The following DST variants were observed in gnomAD, a reference collection of about 807,000 sequenced individuals.
DST encodes the protein dystonin.
Under a neutral mutation model 875.2 loss-of-function variants are expected in DST, and 253 were observed. The observed-to-expected ratio is 0.29, with a 90% confidence interval of 0.26 to 0.32. The LOEUF is 0.32. DST is among the 10% of genes least tolerant of loss of function. DST has a pLI of 1.00. For synonymous variants in DST, 3,124 were observed against 3,197.1 expected (o/e 0.98, Z 0.77); for missense variants, 8,287 against 9,111.6 (o/e 0.91, Z 3.68).
At position 56,617,115 on chromosome 6, in the gene DST, C is replaced by T. The variant is rs747676783; in HGVS notation, c.4930-2631G>A. On this transcript the variant is annotated intron_variant, in intron 36 of 103. Coordinates refer to ENST00000680361, the MANE Select transcript of DST (RefSeq NM_001374736.1). Reference sequence around the variant, plus strand: ...TGAACTTCTTCAACAGTCTTAAGACCGAGTCGCAGCTGCTCAATTGTTCTC... The same window carrying T: ...TGAACTTCTTCAACAGTCTTAAGACTGAGTCGCAGCTGCTCAATTGTTCTC... 1.8e-5 allele frequency: 29 copies of T among 1,611,620 alleles called. No homozygotes were observed. The highest frequency in any genetic ancestry group is 5.0e-5 in the Admixed American group (3 of 59,858).
chr6:56,812,353 T>A (rs914093660), intron 4 of DST, among the ~76,000 whole-genome samples: 2 of 152,134 alleles, frequency 1.3e-5, no homozygotes, highest in Non-Finnish European at 2.9e-5. Flanking sequence ...GTGAAAGAAA[T>A]GTCTTAATCA....
chr6:56,811,173 G>A (rs1214293577), intron 4 of DST, among the ~76,000 whole-genome samples: 3 of 104,424 alleles, frequency 2.9e-5, no homozygotes, highest in Non-Finnish European at 5.2e-5. Flanking sequence ...GACAGAGCAA[G>A]ACCCTGTCTC....
chr6:56,483,814 G>A (rs1168860798), intron 88 of DST: 2 of 152,052 alleles, frequency 1.3e-5, no homozygotes, highest in Non-Finnish European at 2.9e-5. Flanking sequence ...ATTCACAAAA[G>A]TGAGCCTATC....
At chr6:56,829,477 TAC>T (rs1385528053) in intron 4 of DST, among the ~76,000 whole-genome samples, 2 of 152,064 alleles carry the variant, frequency 1.3e-5, no homozygotes, top group Non-Finnish European at 1.5e-5. Flanking sequence ...AGTAATGAAA[TAC>T]AAATGCAATA....
chr6:56,800,684 T>C (rs1344750305), intron 4 of DST, among the ~76,000 whole-genome samples: 1 of 152,090 alleles, frequency 6.6e-6, no homozygotes, highest in African/African-American at 2.4e-5. Flanking sequence ...GCCATGTATA[T>C]AGCAACAACC....
chr6:56,807,449 T>C (rs897178973), intron 4 of DST, among the ~76,000 whole-genome samples: 1 of 152,062 alleles, frequency 6.6e-6, no homozygotes, highest in Non-Finnish European at 1.5e-5. Flanking sequence ...GCCAAAACAA[T>C]TACGTAAAAG....
chr6:56,489,093 T>C (rs1673187250), intron 86 of DST, among the ~76,000 whole-genome samples: 1 of 152,136 alleles, frequency 6.6e-6, no homozygotes, highest in Non-Finnish European at 1.5e-5. Flanking sequence ...TACCGCAAAA[T>C]ATCTATTACT....
intron 36 of DST, among the ~76,000 whole-genome samples, chr6:56,622,021 A>G (rs1162668684): frequency 2.0e-5 from 3 of 152,096 alleles, no homozygotes; most frequent in Non-Finnish European, 4.4e-5. Flanking sequence ...TCAGCACTCT[A>G]TTTTCTTTAT....
At position 56,535,253 on chromosome 6, in the gene DST, G is replaced by A; in HGVS notation, c.16810C>T (p.His5604Tyr). 6.2e-7 allele frequency: 1 copy of A among 1,606,644 alleles called. No homozygotes were observed. The highest frequency in any genetic ancestry group is 8.5e-7 in the Non-Finnish European group (1 of 1,177,574). ...RAAQLQEALL[H>Y]CGRFQDALES... is the part of the protein sequence containing the mutation. Reference sequence around the variant, plus strand: ...AGGGCATCCTGGAACCTCCCACAGTGCAGCAAGGCCTCCTGCAGCTGGGCT... The same window carrying A: ...AGGGCATCCTGGAACCTCCCACAGTACAGCAAGGCCTCCTGCAGCTGGGCT... Residue 5604 changes from histidine to tyrosine, a missense_variant, in exon 63 of 104, where the codon CAC becomes TAC. This residue lies in a region of DST where 777 missense variants were observed against 764.8 expected (regional missense o/e 1.02). Transcript: ENST00000680361.
chr6:56,718,845 G>A (rs770457147), intron 5 of DST, among the ~76,000 whole-genome samples: 2 of 152,162 alleles, frequency 1.3e-5, no homozygotes, highest in South Asian at 4.1e-4. Context: ...GAAATATCCA[G>A]AAAAGACAAA....
At chr6:56,668,558 A>G (rs1322251057) in intron 10 of DST, among the ~76,000 whole-genome samples, 1 of 152,068 alleles carries the variant, frequency 6.6e-6, no homozygotes, top group Non-Finnish European at 1.5e-5. Flanking sequence ...CCTGGCTGAC[A>G]TGGTGAAATC....
At chr6:56,689,223 A>G (rs1346049182) in intron 9 of DST, among the ~76,000 whole-genome samples, 1 of 152,168 alleles carries the variant, frequency 6.6e-6, no homozygotes, top group Non-Finnish European at 1.5e-5. Flanking sequence ...TATTAGCAGT[A>G]GAATCATGAT....
intron 4 of DST, among the ~76,000 whole-genome samples, chr6:56,786,942 A>T (rs1159493618): frequency 6.6e-6 from 1 of 152,260 alleles, no homozygotes; most frequent in Non-Finnish European, 1.5e-5. Context: ...GTTCCTTTTT[A>T]AAATTAATGC....
At chr6:56,854,278 C>G (rs563107530) in intron 3 of DST, among the ~76,000 whole-genome samples, 2 of 152,050 alleles carry the variant, frequency 1.3e-5, no homozygotes, top group East Asian at 3.9e-4. Context: ...TGTTCTCTCA[C>G]CCAAAGGCCA....
At chr6:56,684,419 T>C (rs878894664) in intron 9 of DST, among the ~76,000 whole-genome samples, 2 of 152,222 alleles carry the variant, frequency 1.3e-5, no homozygotes, top group Non-Finnish European at 2.9e-5. Flanking sequence ...CAGAGATATT[T>C]AACTTAAAGA....
intron 90 of DST, among the ~76,000 whole-genome samples, chr6:56,480,582 T>C (rs2152418606): frequency 6.6e-6 from 1 of 152,288 alleles, no homozygotes; most frequent in East Asian, 1.9e-4. Context: ...TTTCTTTGAA[T>C]GGTGAATGGT....
intron 2 of DST, among the ~76,000 whole-genome samples, chr6:56,923,645 G>A (rs1805432728): frequency 6.6e-6 from 1 of 152,096 alleles, no homozygotes; most frequent in Admixed American, 6.6e-5. Flanking sequence ...AAAAGCCATT[G>A]AGCAGGAAGA....
chr6:56,868,589 A>G (rs959073146), intron 3 of DST, among the ~76,000 whole-genome samples: 1 of 152,258 alleles, frequency 6.6e-6, no homozygotes. Context: ...ATTTTGGACT[A>G]CAACATTTTT....
chr6:56,500,611 T>G (rs550982576), intron 80 of DST, among the ~76,000 whole-genome samples: 6 of 152,240 alleles, frequency 3.9e-5, no homozygotes, highest in African/African-American at 1.4e-4. Flanking sequence ...GATAAAAATA[T>G]GTCAGAAATG....
Sources: gnomAD v4.1 joint callset for allele counts (sites outside exome capture counted in the v4.1 genomes callset) on GRCh38, gnomAD v4.1.1 for gene constraint, gnomAD v4.1.1 regional missense constraint, MANE v1.5 for transcripts, NCBI Gene and HGNC (gene_info 2026-07-23, HGNC 2026-07-21) for gene names.